PRKCB: variants seen among roughly 807,000 people sequenced by gnomAD.
PRKCB encodes protein kinase C beta type.
A neutral mutation model predicts 81.5 loss-of-function variants in PRKCB; 13 were observed. The ratio of observed to expected loss-of-function variants is 0.16; its 90% CI spans 0.10 to 0.25. The LOEUF (loss-of-function observed/expected upper bound fraction) is 0.25, where lower values mean the gene tolerates loss of function less well. Among genes scored for constraint, PRKCB ranks in the 10% least tolerant of loss-of-function variants. The pLI, the probability that PRKCB is intolerant of heterozygous loss-of-function variation, is 1.00. For missense variants in PRKCB, 509 were observed against 875.7 expected, an observed-to-expected ratio of 0.58 and a Z score of 5.29; for synonymous variants, 335 against 321.4, an observed-to-expected ratio of 1.04 and a Z score of -0.45.
intron 2 of PRKCB, among the ~76,000 whole-genome samples, chr16:23,920,913 G>C (rs1205504057): frequency 6.6e-6 from 1 of 152,174 alleles, no homozygotes; most frequent in Non-Finnish European, 1.5e-5. Flanking sequence ...GAGGTTTAAT[G>C]GACTCACAGT....
intron 7 of PRKCB, among the ~76,000 whole-genome samples, chr16:24,096,652 CAA>C (rs1219127854): frequency 2.5e-3 from 104 of 41,770 alleles, no homozygotes; most frequent in East Asian, 0.013. Flanking sequence ...CTTCCTATGG[CAA>C]AAAAAAAAAA....
At chr16:24,039,040 AT>A (rs1478091687) in intron 5 of PRKCB, among the ~76,000 whole-genome samples, 1 of 151,766 alleles carries the variant, frequency 6.6e-6, no homozygotes, top group African/African-American at 2.4e-5. Flanking sequence ...TCATAATGGG[AT>A]TTGTGGATTT....
intron 3 of PRKCB, among the ~76,000 whole-genome samples, chr16:24,014,082 G>A (rs1460243868): frequency 2.6e-5 from 4 of 152,326 alleles, no homozygotes; most frequent in East Asian, 1.9e-4. Context: ...TGGGTGTGCT[G>A]AGAGCTTCTG....
chr16:24,016,907 A>G (rs1002977473), intron 3 of PRKCB, among the ~76,000 whole-genome samples: 3 of 152,318 alleles, frequency 2.0e-5, no homozygotes, highest in Admixed American at 6.5e-5. Flanking sequence ...ACCTTGGTCT[A>G]TTCAGCATTG....
chr16:23,871,206 G>A (rs1309349553), intron 2 of PRKCB, among the ~76,000 whole-genome samples: 2 of 152,210 alleles, frequency 1.3e-5, no homozygotes. Flanking sequence ...ACATAGCAAG[G>A]GTGTGGCTCT....
chr16:23,940,944 A>G (rs1964134106), intron 2 of PRKCB, among the ~76,000 whole-genome samples: 1 of 152,222 alleles, frequency 6.6e-6, no homozygotes. Context: ...CAAATAGCTC[A>G]ACCCAGTGTT....
chr16:24,217,541 A>C lies in PRKCB; in HGVS notation c.*2725A>C. The C allele has an allele frequency of 1.0e-6, 1 of 985,458 alleles. No individual in the cohort carries two copies. The highest frequency in any genetic ancestry group is 1.2e-6 in the Non-Finnish European group (1 of 829,958). The allele number at this position is 985,458 out of a possible 1,614,324, so 61.0% of individuals were successfully genotyped here. A position where few individuals can be genotyped will look rare whatever the true frequency, so the allele number is the denominator to read the frequency against. ...TCAACAGAGAAGCTTATTCTCTCCCAACTTCTACGGTAAAATCCAGGAGTA... is the reference window on the plus strand; with the variant it reads ...TCAACAGAGAAGCTTATTCTCTCCCCACTTCTACGGTAAAATCCAGGAGTA... On this transcript the variant is annotated 3_prime_UTR_variant, in exon 17 of 17. Transcript: ENST00000643927.
intron 2 of PRKCB, among the ~76,000 whole-genome samples, chr16:23,876,766 T>G (rs1963020593): frequency 6.6e-6 from 1 of 152,180 alleles, no homozygotes; most frequent in Non-Finnish European, 1.5e-5. Flanking sequence ...CTGATGTATT[T>G]GTTCTGCTCT....
At chr16:23,888,950 G>A (rs1439226755) in intron 2 of PRKCB, among the ~76,000 whole-genome samples, 3 of 152,152 alleles carry the variant, frequency 2.0e-5, no homozygotes, top group African/African-American at 7.2e-5. Context: ...TAAGATGGGG[G>A]GAGTATGAGA....
rs943984797 is a variant in PRKCB at position 23,960,650 on chromosome 16, A to C, written c.206-27858A>C. Among the ~76,000 whole-genome samples, 3 of 152,146 alleles carry C rather than the reference A, an allele frequency of 2.0e-5. No homozygotes were observed. In the East Asian group the frequency reaches 5.8e-4, roughly 29 times the overall value. On this transcript the variant is annotated intron_variant, in intron 2 of 16. Transcript: ENST00000643927. ...TTCCCTCCCCACTCTGACATGGCCC[A>C]GTGTGTGTCATTCCCCACCACCAAA... is the stretch of plus-strand genomic sequence containing the variant.
At chr16:24,075,840 T>TGTCA (rs1800951196) in intron 5 of PRKCB, among the ~76,000 whole-genome samples, 1 of 152,186 alleles carries the variant, frequency 6.6e-6, no homozygotes, top group South Asian at 2.1e-4. Context: ...CATACATGAG[T>TGTCA]GTCACATCAG....
At chr16:24,091,607 C>A (rs1449487135) in intron 5 of PRKCB, among the ~76,000 whole-genome samples, 1 of 151,170 alleles carries the variant, frequency 6.6e-6, no homozygotes. Flanking sequence ...CTCCTTTTCT[C>A]CTGTAAGTTC....
chr16:24,076,396 G>C (rs936687495), intron 5 of PRKCB, among the ~76,000 whole-genome samples: 3 of 152,152 alleles, frequency 2.0e-5, no homozygotes, highest in Admixed American at 1.3e-4. Flanking sequence ...GAGCAAAAAG[G>C]GGGCCTTATC....
At position 24,214,745 on chromosome 16, in the gene PRKCB, A is replaced by G. The variant is rs748738611; in HGVS notation, c.1951A>G (p.Ile651Val). The G allele has an allele frequency of 1.9e-6, 3 of 1,614,232 alleles. No homozygotes were observed. Among genetic ancestry groups the G allele is most frequent in the Non-Finnish European group, 2.5e-6 (3 of 1,180,042 alleles). ...TPPDQEVIRN[I>V]DQSEFEGFSF... ...TCCCGACCAGGAAGTCATCAGGAAT[A>G]TTGACCAATCAGAATTCGAAGGATT... Residue 651 changes from isoleucine to valine, a missense_variant, in exon 17 of 17, where the codon ATT becomes GTT. Physicochemically the swap from Ile to Val is conservative, Grantham distance 29 (BLOSUM62 3). Transcript: ENST00000643927.
At chr16:24,059,565 G>T (rs1965946368) in intron 5 of PRKCB, among the ~76,000 whole-genome samples, 2 of 151,984 alleles carry the variant, frequency 1.3e-5, no homozygotes, top group Non-Finnish European at 2.9e-5. Context: ...CACTGGGGAG[G>T]CTAAGGTGGA....
chr16:23,936,565 A>C (rs1242383832), intron 2 of PRKCB, among the ~76,000 whole-genome samples: 9 of 142,992 alleles, frequency 6.3e-5, no homozygotes, highest in African/African-American at 2.3e-4. Context: ...GGTGTGCACC[A>C]CCACACCCAA....
intron 7 of PRKCB, among the ~76,000 whole-genome samples, chr16:24,110,828 TTTTG>T (rs1307823856): frequency 6.6e-6 from 1 of 152,160 alleles, no homozygotes; most frequent in Admixed American, 6.5e-5. Context: ...CTGTTTATCT[TTTTG>T]TTTGTTTTGT....
chr16:23,986,805 T>C (rs1964809634), intron 2 of PRKCB, among the ~76,000 whole-genome samples: 1 of 152,178 alleles, frequency 6.6e-6, no homozygotes, highest in South Asian at 2.1e-4. Flanking sequence ...TAATGCATCC[T>C]TGTGTATGCA....
intron 4 of PRKCB, among the ~76,000 whole-genome samples, chr16:24,034,518 C>T (rs192465264): frequency 5.3e-5 from 8 of 152,340 alleles, no homozygotes; most frequent in East Asian, 3.9e-4. Flanking sequence ...CGGAGGAGTG[C>T]GCAGAGGGAG....
Sources: gnomAD v4.1 joint callset for allele counts (sites outside exome capture counted in the v4.1 genomes callset) on GRCh38, gnomAD v4.1.1 for gene constraint, MANE v1.5 for transcripts, NCBI Gene and HGNC (gene_info 2026-07-23, HGNC 2026-07-21) for gene names.